The following PCDH15 variants were observed in gnomAD, a reference collection of about 807,000 sequenced individuals.
PCDH15 encodes protocadherin-15.
A neutral mutation model predicts 178.5 loss-of-function variants in PCDH15; 129 were observed. That is an observed-to-expected ratio of 0.72 (90% confidence interval 0.63 to 0.84). PCDH15 has a LOEUF of 0.84. Ranked by LOEUF, PCDH15 falls within the 40% of genes least tolerant of loss-of-function variation. The pLI is 0.00. For missense variants in PCDH15, 2,230 were observed against 2,099.9 expected, an observed-to-expected ratio of 1.06 and a Z score of -1.21; for synonymous variants, 800 against 732.0, an observed-to-expected ratio of 1.09 and a Z score of -1.50.
At chr10:54,111,306 T>C (rs1196059689) in intron 15 of PCDH15, among the ~76,000 whole-genome samples, 1 of 152,174 alleles carries the variant, frequency 6.6e-6, no homozygotes, top group Non-Finnish European at 1.5e-5. Context: ...CAGAAGCTAT[T>C]AAATAGTTGC....
intron 15 of PCDH15, among the ~76,000 whole-genome samples, chr10:54,112,404 G>C (rs746367153): frequency 6.6e-6 from 1 of 151,996 alleles, no homozygotes; most frequent in African/African-American, 2.4e-5. Context: ...GTCTCCAGGT[G>C]GGGGGTGGGG....
intron 1 of PCDH15, among the ~76,000 whole-genome samples, chr10:54,721,748 G>A (rs1016770901): frequency 7.9e-5 from 12 of 151,526 alleles, no homozygotes; most frequent in Admixed American, 7.9e-4. Context: ...ACAACAAAAA[G>A]TCCAAGAACA....
chr10:54,756,360 A>G (rs1055311585), intron 1 of PCDH15, among the ~76,000 whole-genome samples: 2 of 152,212 alleles, frequency 1.3e-5, no homozygotes, highest in Non-Finnish European at 2.9e-5. Flanking sequence ...AGTGTCCATT[A>G]CGTAATAAGA....
chr10:54,569,735 C>T (rs996497672), intron 2 of PCDH15, among the ~76,000 whole-genome samples: 1 of 152,080 alleles, frequency 6.6e-6, no homozygotes, highest in Non-Finnish European at 1.5e-5. Flanking sequence ...AACATGCTGG[C>T]AACAGTGAAA....
chr10:54,541,141 C>T (rs542273044), intron 2 of PCDH15, among the ~76,000 whole-genome samples: 20 of 152,194 alleles, frequency 1.3e-4, no homozygotes, highest in African/African-American at 4.1e-4. Context: ...TTCTATTTGA[C>T]ATAGTACTAG....
chr10:54,718,684 C>CTT (rs71461255), intron 1 of PCDH15, among the ~76,000 whole-genome samples: 4,339 of 111,496 alleles, frequency 0.039, 192 homozygotes, highest in Non-Finnish European at 0.054. Context: ...CACACTGATT[C>CTT]TTTTTTTTTT....
At chr10:54,170,611 G>A (rs183809175) in intron 13 of PCDH15, among the ~76,000 whole-genome samples, 1,567 of 151,052 alleles carry the variant, frequency 0.01, 71 homozygotes, top group African/African-American at 0.037. Flanking sequence ...ACTTCAATCC[G>A]GCCTCCCACA....
At chr10:55,045,098 G>T (rs781081666) in intron 2 of PCDH15, among the ~76,000 whole-genome samples, 9 of 151,934 alleles carry the variant, frequency 5.9e-5, no homozygotes, top group Admixed American at 1.3e-4. Context: ...ATACCATGCT[G>T]CTCTAAAAAC....
intron 2 of PCDH15, among the ~76,000 whole-genome samples, chr10:55,501,776 A>C (rs2132140051): frequency 6.6e-6 from 1 of 151,790 alleles, no homozygotes; most frequent in South Asian, 2.1e-4. Flanking sequence ...TGTTTAAAGC[A>C]CCTGTGAATT....
At chr10:54,709,522 A>AG (rs2095406163) in intron 1 of PCDH15, among the ~76,000 whole-genome samples, 1 of 148,928 alleles carries the variant, frequency 6.7e-6, no homozygotes, top group Non-Finnish European at 1.5e-5. Flanking sequence ...ATCAAATGAC[A>AG]GGGGGTCTTT....
At chr10:54,223,382 T>A (rs546056565) in intron 9 of PCDH15, among the ~76,000 whole-genome samples, 1 of 149,370 alleles carries the variant, frequency 6.7e-6, no homozygotes, top group East Asian at 1.9e-4. Flanking sequence ...ATCTTTTAGA[T>A]GCTTTATAGT....
chr10:55,275,375 T>C (rs1425645925), intron 1 of PCDH15, among the ~76,000 whole-genome samples: 1 of 152,100 alleles, frequency 6.6e-6, no homozygotes, highest in Admixed American at 6.5e-5. Context: ...ATTTGTACTC[T>C]TTCCCAGATT....
At chr10:55,394,956 C>G (rs1425330029) in intron 2 of PCDH15, among the ~76,000 whole-genome samples, 2 of 151,984 alleles carry the variant, frequency 1.3e-5, no homozygotes, top group African/African-American at 4.8e-5. Flanking sequence ...AAATCACTTC[C>G]TTAAGTTTCA....
At chr10:55,026,028 A>T (rs1466128467) in intron 2 of PCDH15, among the ~76,000 whole-genome samples, 1 of 152,056 alleles carries the variant, frequency 6.6e-6, no homozygotes, top group Non-Finnish European at 1.5e-5. Flanking sequence ...TTGACAAAAA[A>T]TATTAAAAGT....
At chr10:54,533,526 AT>A (rs2084148822) in intron 2 of PCDH15, among the ~76,000 whole-genome samples, 1 of 152,230 alleles carries the variant, frequency 6.6e-6, no homozygotes, top group Non-Finnish European at 1.5e-5. Flanking sequence ...CCAAATGTCT[AT>A]AATTTCTATT....
rs68166844 is a variant in PCDH15 at position 53,888,359 on chromosome 10, C to CATATATATAT, written c.3501+14874_3501+14883dup. On this transcript the variant is annotated intron_variant, in intron 26 of 37. Coordinates refer to ENST00000644397, the MANE Select transcript of PCDH15 (RefSeq NM_001384140.1). ...ACGTATATATATATACGTATATATACATATATATATATATTCCATATCAGT... is the reference window on the plus strand; with the variant it reads ...ACGTATATATATATACGTATATATACATATATATATATATATATATATATTCCATATCAGT... Among the ~76,000 whole-genome samples, 3 of 107,148 alleles carry CATATATATAT rather than the reference C, an allele frequency of 2.8e-5. No homozygotes were observed. The South Asian group carries it at 9.0e-4, about 32-fold the overall frequency. The allele number at this position is 107,148 out of a possible 152,430, so 70.3% of individuals were successfully genotyped here.
chr10:54,694,815 G>T (rs998070907), intron 1 of PCDH15, among the ~76,000 whole-genome samples: 2 of 151,936 alleles, frequency 1.3e-5, no homozygotes, highest in Non-Finnish European at 2.9e-5. Context: ...ATTGTACAGT[G>T]GTCTCTAAGT....
intron 1 of PCDH15, among the ~76,000 whole-genome samples, chr10:54,672,737 A>G (rs1205406051): frequency 6.6e-6 from 1 of 151,804 alleles, no homozygotes; most frequent in Non-Finnish European, 1.5e-5. Flanking sequence ...ATGAGATTTT[A>G]TTTTATATAT....
chr10:54,541,524 C>T (rs950458221), intron 2 of PCDH15, among the ~76,000 whole-genome samples: 58 of 152,064 alleles, frequency 3.8e-4, no homozygotes, highest in Admixed American at 2.8e-3. Context: ...CAGTATACAG[C>T]TTCTAAAAGC....
Sources: allele counts gnomAD v4.1 joint callset (sites outside exome capture counted in the v4.1 genomes callset), GRCh38; gene constraint gnomAD v4.1.1; transcripts MANE v1.5; gene names NCBI Gene and HGNC (gene_info 2026-07-23, HGNC 2026-07-21).